D2HGDH: variants seen among roughly 807,000 people sequenced by gnomAD.
The protein encoded by D2HGDH is D-2-hydroxyglutarate dehydrogenase, also known as D-2-hydroxyglutarate dehydrogenase, mitochondrial.
D2HGDH carries 31 observed loss-of-function variants against 46.9 expected under a neutral mutation model. The observed-to-expected ratio is 0.66, with a 90% CI of 0.50 to 0.89. The LOEUF is 0.89. Ranked by LOEUF, D2HGDH falls within the 40% of genes least tolerant of loss-of-function variation. The pLI, the probability that D2HGDH is intolerant of heterozygous loss-of-function variation, is 0.00. For missense variants in D2HGDH, 698 were observed against 720.8 expected (o/e 0.97, Z 0.36); for synonymous variants, 364 against 332.6 (o/e 1.09, Z -1.03).
At chr2:241,735,823 C>T (rs1210370972) in intron 2 of D2HGDH, 6 of 410,030 alleles carry the variant, frequency 1.5e-5, no homozygotes, top group African/African-American at 2.1e-5. Context: ...AGTGCAGTGG[C>T]GCGACGTCGG....
chr2:241,760,493 C>CAAT (rs1698684814), intron 9 of D2HGDH, among the ~76,000 whole-genome samples: 1 of 140,122 alleles, frequency 7.1e-6, no homozygotes, highest in African/African-American at 2.8e-5. Context: ...TGGGCCTTAC[C>CAAT]CAGTCAAAGG....
rs1209019503 is a variant in D2HGDH at position 241,755,255 on chromosome 2, T to C, written c.1141-594T>C. The C allele has an allele frequency of 3.3e-6, 3 of 916,106 alleles. No individual in the cohort carries two copies. In the African/African-American group the frequency reaches 6.6e-5, roughly 20 times the overall value. The allele number at this position is 916,106 out of a possible 1,614,324, so 56.7% of individuals were successfully genotyped here. A position where few individuals can be genotyped will look rare whatever the true frequency, so the allele number is the denominator to read the frequency against. The stretch of plus-strand genomic sequence containing the variant: ...TCCCTCCCCCGTGGCCCACCCACCA[T>C]GTCCTTCCCTCCCCTGTGGCCCACC... On this transcript the variant is annotated intron_variant, in intron 8 of 9. Coordinates refer to ENST00000321264, the MANE Select transcript of D2HGDH (RefSeq NM_152783.5).
At chr2:241,755,361 G>C (rs1385648090) in intron 8 of D2HGDH, 1 of 1,303,498 alleles carries the variant, frequency 7.7e-7, no homozygotes, top group Non-Finnish European at 1.0e-6. Context: ...GTGTGACTCT[G>C]CGCCCCCTTC....
chr2:241,749,510 C>T (rs758709114), intron 6 of D2HGDH: 35 of 631,632 alleles, frequency 5.5e-5, no homozygotes, highest in African/African-American at 2.5e-4. Context: ...CCCAGGGCAG[C>T]GGCCTCACTG....
At chr2:241,738,942 A>G (rs1325940911) in intron 2 of D2HGDH, among the ~76,000 whole-genome samples, 1 of 152,208 alleles carries the variant, frequency 6.6e-6, no homozygotes, top group Non-Finnish European at 1.5e-5. Flanking sequence ...GCTTGTCTAG[A>G]CTTCTGAAAA....
At chr2:241,747,223 A>T (rs1696092811) in intron 6 of D2HGDH, among the ~76,000 whole-genome samples, 1 of 152,164 alleles carries the variant, frequency 6.6e-6, no homozygotes. Context: ...CGCTGCACCC[A>T]GCCTGTGTGG....
intron 9 of D2HGDH, among the ~76,000 whole-genome samples, chr2:241,765,318 G>A (rs915115040): frequency 6.1e-5 from 8 of 132,098 alleles, no homozygotes; most frequent in Admixed American, 1.5e-4. Flanking sequence ...GGGGAGATGG[G>A]AGCCCCGGGC....
In D2HGDH at chr2:241,735,504, C is replaced by A. The variant is rs748933529; in HGVS notation, c.280C>A (p.Arg94=). 6.2e-7 allele frequency: 1 copy of A among 1,606,662 alleles called. No homozygotes were observed. Among genetic ancestry groups the A allele is most frequent in the Non-Finnish European group, 8.5e-7 (1 of 1,179,762 alleles). ...ALQAPNVDWL[R]TLRGCSKVLL... Reference sequence around the variant, plus strand: ...GCAGGCTCCCAACGTGGACTGGTTGCGGACGCTGCGAGGTGGGTGAGGCTT... The same window carrying A: ...GCAGGCTCCCAACGTGGACTGGTTGAGGACGCTGCGAGGTGGGTGAGGCTT... Residue 94 remains arginine, a synonymous_variant, in exon 2 of 10, where the codon CGG becomes AGG. Coordinates refer to ENST00000321264, the MANE Select transcript of D2HGDH (RefSeq NM_152783.5).
intron 6 of D2HGDH, chr2:241,748,963 G>A (rs766885448): frequency 8.6e-6 from 11 of 1,274,812 alleles, no homozygotes; most frequent in Non-Finnish European, 1.0e-5. Context: ...GGAGTCACTC[G>A]CCTCTTCGTG....
intron 9 of D2HGDH, among the ~76,000 whole-genome samples, chr2:241,756,812 G>A (rs996596200): frequency 1.2e-4 from 19 of 152,192 alleles, no homozygotes; most frequent in African/African-American, 3.6e-4. Flanking sequence ...GTGAGCCACC[G>A]TGCCCAGCTG....
intron 6 of D2HGDH, chr2:241,749,104 G>C: frequency 1.0e-6 from 1 of 953,702 alleles, no homozygotes; most frequent in South Asian, 2.6e-5. Context: ...CAGCTGGGGC[G>C]ACTTCCGACG....
intron 8 of D2HGDH, among the ~76,000 whole-genome samples, chr2:241,753,602 C>T (rs937529238): frequency 2.6e-5 from 4 of 152,202 alleles, no homozygotes; most frequent in Non-Finnish European, 5.9e-5. Context: ...GCCGCGGGGG[C>T]CCTGTGTTCA....
chr2:241,743,815 G>GTC lies in D2HGDH; in HGVS notation c.684_684+1insTC (p.Val229SerfsTer12). 6.3e-7 allele frequency: 1 copy of GTC among 1,596,182 alleles called. No homozygotes were observed. The highest frequency in any genetic ancestry group is 2.3e-5 in the East Asian group (1 of 43,944). ...ATGGGACTGTCCTGGGCCTGGAAGT[G>GTC]GTGAGCTGGGGCAGCTGCTTGGTGC... On this transcript the variant is annotated frameshift_variant and splice_region_variant. Coordinates refer to ENST00000321264, the MANE Select transcript of D2HGDH (RefSeq NM_152783.5). LOFTEE classifies it high-confidence loss of function. This position sits in a 1 kb window ranked among gnomAD's most constrained non-coding sequence, Gnocchi z 4.8.
At chr2:241,739,062 A>G (rs1047541168) in intron 2 of D2HGDH, among the ~76,000 whole-genome samples, 1 of 152,222 alleles carries the variant, frequency 6.6e-6, no homozygotes. Flanking sequence ...CGCGGTGTGA[A>G]AACAGGCTGG....
At chr2:241,754,053 A>AG (rs1575304203) in intron 8 of D2HGDH, among the ~76,000 whole-genome samples, 1 of 152,220 alleles carries the variant, frequency 6.6e-6, no homozygotes, top group Middle Eastern at 3.4e-3. Context: ...CAAGACCCTG[A>AG]GGGGCGCGTG....
intron 2 of D2HGDH, among the ~76,000 whole-genome samples, chr2:241,738,693 C>T (rs1693600883): frequency 6.6e-6 from 1 of 152,202 alleles, no homozygotes. Flanking sequence ...GAATCCGTGG[C>T]CATGGACACC....
Position 241,735,327 on chromosome 2 carries a change from GGCT to G in D2HGDH, c.110_112del (p.Cys37del). The stretch of plus-strand genomic sequence containing the variant: ...GCCGGTTGGCCCCCTGGCCCGCAGA[GGCT>G]GCTGCTCCGCCCCGGGGACCCCCGA... On this transcript the variant is annotated inframe_deletion, in exon 2 of 10. Coordinates refer to ENST00000321264, the MANE Select transcript of D2HGDH (RefSeq NM_152783.5). 6.5e-7 allele frequency: 1 copy of G among 1,543,470 alleles called. No individual in the cohort carries two copies. The highest frequency in any genetic ancestry group is 8.7e-7 in the Non-Finnish European group (1 of 1,149,640).
intron 2 of D2HGDH, among the ~76,000 whole-genome samples, chr2:241,736,670 C>CTTTTTTTTT (rs768906916): frequency 1.4e-5 from 2 of 147,400 alleles, no homozygotes; most frequent in Non-Finnish European, 1.5e-5. Context: ...ACCGTTTATC[C>CTTTTTTTTT]GTTTTTTTTT....
chr2:241,754,882 C>A lies in D2HGDH; in HGVS notation c.1141-967C>A. The A allele has an allele frequency of 1.7e-5, 11 of 631,340 alleles. No individual in the cohort carries two copies. The South Asian group carries it at 2.1e-4, about 12-fold the overall frequency. The allele number at this position is 631,340 out of a possible 1,614,324, so 39.1% of individuals were successfully genotyped here. A position where few individuals can be genotyped will look rare whatever the true frequency, so the allele number is the denominator to read the frequency against. Reference sequence around the variant, plus strand: ...CCTCCCAAAGCTCTGGGAATACAGGCGTGAGCCACTGCGCCCGGCCAAGTG... The same window carrying A: ...CCTCCCAAAGCTCTGGGAATACAGGAGTGAGCCACTGCGCCCGGCCAAGTG... On this transcript the variant is annotated intron_variant, in intron 8 of 9. Coordinates refer to ENST00000321264, the MANE Select transcript of D2HGDH (RefSeq NM_152783.5).
Sources: gnomAD v4.1 joint callset for allele counts (sites outside exome capture counted in the v4.1 genomes callset) on GRCh38, gnomAD v4.1.1 for gene constraint, Gnocchi (gnomAD v3.1) non-coding constraint, MANE v1.5 for transcripts, NCBI Gene and HGNC (gene_info 2026-07-23, HGNC 2026-07-21) for gene names.